Variants in RIPOR3 observed in about 807,000 individuals in gnomAD.
RIPOR3 encodes RIPOR family member 3.
A neutral mutation model predicts 114.3 loss-of-function variants in RIPOR3; 95 were observed. The ratio of observed to expected loss-of-function variants is 0.83; its 90% CI spans 0.70 to 0.99. RIPOR3 has a LOEUF of 0.99. Among genes scored for constraint, RIPOR3 ranks in the 50% least tolerant of loss-of-function variants. The pLI, the probability that RIPOR3 is intolerant of heterozygous loss-of-function variation, is 0.00. For synonymous variants in RIPOR3, 575 were observed against 543.8 expected, an observed-to-expected ratio of 1.06 and a Z score of -0.80; for missense variants, 1,252 against 1,266.9, an observed-to-expected ratio of 0.99 and a Z score of 0.18.
chr20:50,666,181 C>CCTTTTCTTTTTTCTTTTCTTTT (rs1600720832), intron 1 of RIPOR3, among the ~76,000 whole-genome samples: 2 of 14,926 alleles, frequency 1.3e-4, no homozygotes, highest in South Asian at 6.3e-3. Context: ...GAAAGGACAC[C>CCTTTTCTTTTTTCTTTTCTTTT]CATTTCTTTT....
At chr20:50,673,115 C>CT (rs111574917) in intron 1 of RIPOR3, among the ~76,000 whole-genome samples, 113 of 146,750 alleles carry the variant, frequency 7.7e-4, no homozygotes, top group African/African-American at 2.5e-3. Flanking sequence ...CAAGGTAAGT[C>CT]TTGTCCTTGA....
intron 2 of RIPOR3, among the ~76,000 whole-genome samples, chr20:50,621,362 G>C (rs955895618): frequency 6.6e-6 from 1 of 152,154 alleles, no homozygotes; most frequent in Admixed American, 6.6e-5. Context: ...TTCCTCTGGG[G>C]CACCTCCCCA....
intron 1 of RIPOR3, among the ~76,000 whole-genome samples, chr20:50,673,700 G>A (rs182381692): frequency 1.3e-5 from 2 of 152,124 alleles, no homozygotes; most frequent in Admixed American, 6.5e-5. Flanking sequence ...CAGCGTGACC[G>A]TTTGCCCCTA....
At position 50,593,027 on chromosome 20, in the gene RIPOR3, A is replaced by C; in HGVS notation, c.2374+8T>G. 1 of 1,613,784 alleles carries C rather than the reference A, an allele frequency of 6.2e-7. No individual in the cohort carries two copies. Among genetic ancestry groups the C allele is most frequent in the Non-Finnish European group, 8.5e-7 (1 of 1,179,932 alleles). On this transcript the variant is annotated splice_region_variant and intron_variant, in intron 18 of 21. Coordinates refer to ENST00000327979, the MANE Select transcript of RIPOR3 (RefSeq NM_001290268.2). ...CTCTGCTATGACAGCCACCCACCCC[A>C]GTCTTACCTTCCTTGGTGAGCTGGG...
At chr20:50,636,074 G>A (rs1357761315) in intron 1 of RIPOR3, among the ~76,000 whole-genome samples, 3 of 152,212 alleles carry the variant, frequency 2.0e-5, no homozygotes, top group African/African-American at 7.2e-5. Flanking sequence ...GCTCAGCTGC[G>A]CCCCCTCCCG....
intron 1 of RIPOR3, among the ~76,000 whole-genome samples, chr20:50,654,931 G>T (rs1382112232): frequency 6.6e-6 from 1 of 152,208 alleles, no homozygotes; most frequent in East Asian, 1.9e-4. Flanking sequence ...TTTTAGTAGA[G>T]ATGGGGTTTC....
chr20:50,621,860 C>T (rs1039379953), intron 2 of RIPOR3, among the ~76,000 whole-genome samples: 17 of 152,198 alleles, frequency 1.1e-4, no homozygotes, highest in African/African-American at 4.1e-4. Flanking sequence ...TAAAAACTGC[C>T]TTTCAGTGGT....
intron 14 of RIPOR3, 200 bp downstream of exon 14, chr20:50,597,380 T>G: frequency 1.4e-6 from 1 of 703,788 alleles, no homozygotes; most frequent in Non-Finnish European, 2.3e-6. Flanking sequence ...TCTCACCCAC[T>G]TCGTGGTCTC....
intron 1 of RIPOR3, among the ~76,000 whole-genome samples, chr20:50,671,912 AGATG>A (rs145609490): frequency 0.061 from 8,666 of 142,758 alleles, 261 homozygotes; most frequent in African/African-American, 0.083. Context: ...AAGGAAGAAA[AGATG>A]GATGGATGGA....
intron 1 of RIPOR3, among the ~76,000 whole-genome samples, chr20:50,680,675 A>G (rs1185192251): frequency 6.6e-6 from 1 of 152,250 alleles, no homozygotes; most frequent in African/African-American, 2.4e-5. Flanking sequence ...TACGCAATAC[A>G]ATGGTCATGA....
intron 13 of RIPOR3, 86 bp from the exon 14 acceptor site, chr20:50,597,796 TG>T: frequency 1.3e-6 from 2 of 1,521,012 alleles, no homozygotes; most frequent in Non-Finnish European, 1.8e-6. Context: ...ACGGCAGACT[TG>T]GGCAATGTCC....
At chr20:50,593,583 AG>A (rs1370935056) in intron 17 of RIPOR3, among the ~76,000 whole-genome samples, 11 of 151,684 alleles carry the variant, frequency 7.3e-5, no homozygotes, top group Admixed American at 3.9e-4. Flanking sequence ...AAAAAAAAAA[AG>A]GGTTTCTGAT....
At chr20:50,657,748 CTTTT>C (rs1272938455) in intron 1 of RIPOR3, among the ~76,000 whole-genome samples, 1 of 109,086 alleles carries the variant, frequency 9.2e-6, no homozygotes, top group Non-Finnish European at 1.9e-5. Flanking sequence ...ATGTCTTTTA[CTTTT>C]TTTTTTTTTT....
intron 2 of RIPOR3, among the ~76,000 whole-genome samples, chr20:50,621,654 T>C (rs935012849): frequency 1.6e-4 from 24 of 152,118 alleles, no homozygotes; most frequent in African/African-American, 5.6e-4. Context: ...CCTCCTCCTT[T>C]TGCCACCATG....
intron 1 of RIPOR3, among the ~76,000 whole-genome samples, chr20:50,670,307 G>T (rs910163090): frequency 6.6e-6 from 1 of 152,088 alleles, no homozygotes; most frequent in Non-Finnish European, 1.5e-5. Flanking sequence ...TTGGGCATCG[G>T]ACTTGGCTAG....
At chr20:50,682,260 C>T (rs1179513393) in intron 1 of RIPOR3, among the ~76,000 whole-genome samples, 4 of 152,178 alleles carry the variant, frequency 2.6e-5, no homozygotes, top group African/African-American at 9.7e-5. Context: ...AGTGAATGAA[C>T]AAGTGATAAG....
At chr20:50,657,816 C>T (rs186202720) in intron 1 of RIPOR3, among the ~76,000 whole-genome samples, 15 of 140,116 alleles carry the variant, frequency 1.1e-4, no homozygotes, top group African/African-American at 1.9e-4. Flanking sequence ...TGCAGTGATG[C>T]GATCATACCT....
chr20:50,642,490 A>T (rs1255801135), intron 1 of RIPOR3, among the ~76,000 whole-genome samples: 2 of 151,884 alleles, frequency 1.3e-5, no homozygotes, highest in East Asian at 3.9e-4. Flanking sequence ...CTGGTCTCTA[A>T]GATTAAGTTG....
At position 50,691,184 on chromosome 20, in the gene RIPOR3, C is replaced by T; in HGVS notation, c.-56G>A. ...CGCCGCCCTCCTTGCAGCTGCCTCA[C>T]TTTCCCTATTGCCGCCAGCAAGCGT... On this transcript the variant is annotated 5_prime_UTR_variant, in exon 1 of 22. In the 5' UTR this introduces an upstream ATG that the reference lacks. Transcript: ENST00000327979. The T allele has an allele frequency of 7.8e-7, 1 of 1,289,432 alleles. No homozygotes were observed. Among genetic ancestry groups the T allele is most frequent in the Non-Finnish European group, 1.0e-6 (1 of 988,848 alleles). 79.9% of individuals were successfully genotyped at this position (1,289,432 alleles called of 1,614,324 possible).
Sources: allele counts gnomAD v4.1 joint callset (sites outside exome capture counted in the v4.1 genomes callset), GRCh38; gene constraint gnomAD v4.1.1; transcripts MANE v1.5; gene names NCBI Gene and HGNC (gene_info 2026-07-23, HGNC 2026-07-21).